The following PCDH15 variants were observed in gnomAD, a reference collection of about 807,000 sequenced individuals.
PCDH15 encodes protocadherin related 15.
A neutral mutation model predicts 178.5 loss-of-function variants in PCDH15; 129 were observed. The observed-to-expected ratio is 0.72, with a 90% confidence interval of 0.63 to 0.84. The LOEUF is 0.84. Among genes scored for constraint, PCDH15 ranks in the 40% least tolerant of loss-of-function variants. The pLI is 0.00. For missense variants in PCDH15, 2,230 were observed against 2,099.9 expected (o/e 1.06, Z -1.21); for synonymous variants, 800 against 732.0 (o/e 1.09, Z -1.50).
At chr10:54,982,038 A>T (rs1239731806) in intron 2 of PCDH15, among the ~76,000 whole-genome samples, 1 of 151,874 alleles carries the variant, frequency 6.6e-6, no homozygotes, top group Non-Finnish European at 1.5e-5. Flanking sequence ...CCAAACTGCT[A>T]GGATTACAGG....
chr10:55,254,465 A>C (rs10763189), intron 1 of PCDH15, among the ~76,000 whole-genome samples: 1 of 151,930 alleles, frequency 6.6e-6, no homozygotes, highest in African/African-American at 2.4e-5. Flanking sequence ...TAAGAGCAAG[A>C]TATCTTTTCC....
intron 8 of PCDH15, among the ~76,000 whole-genome samples, chr10:54,274,746 CAGAT>C (rs1167293355): frequency 1.3e-5 from 2 of 151,424 alleles, no homozygotes; most frequent in Admixed American, 1.3e-4. Context: ...ATCATATTGA[CAGAT>C]AAAGGATTCT....
intron 2 of PCDH15, among the ~76,000 whole-genome samples, chr10:54,651,878 C>A (rs1188598251): frequency 6.6e-6 from 1 of 151,788 alleles, no homozygotes; most frequent in Admixed American, 6.6e-5. Flanking sequence ...CAAAATATAA[C>A]TGTTTCCTAC....
intron 2 of PCDH15, among the ~76,000 whole-genome samples, chr10:55,044,801 T>C (rs2131981066): frequency 6.6e-6 from 1 of 152,180 alleles, no homozygotes; most frequent in East Asian, 1.9e-4. Flanking sequence ...AGGCTTGCCA[T>C]GTGTTAGGTG....
chr10:55,450,241 C>A (rs9299561), intron 2 of PCDH15, among the ~76,000 whole-genome samples: 116,392 of 152,040 alleles, frequency 0.77, 45,906 homozygotes, highest in East Asian at 0.99. Context: ...GCAATCATAA[C>A]ATATAATTAT....
At chr10:55,052,231 G>C (rs1259880993) in intron 2 of PCDH15, among the ~76,000 whole-genome samples, 1 of 151,718 alleles carries the variant, frequency 6.6e-6, no homozygotes. Context: ...GGGACTACAG[G>C]CACCTACCAC....
chr10:55,069,686 A>T (rs1841675279), intron 2 of PCDH15, among the ~76,000 whole-genome samples: 1 of 144,708 alleles, frequency 6.9e-6, no homozygotes, highest in East Asian at 2.0e-4. Context: ...ATTGTTGGAC[A>T]TTTGGCTTGG....
chr10:55,463,139 G>A (rs1399147276), intron 2 of PCDH15, among the ~76,000 whole-genome samples: 1 of 150,358 alleles, frequency 6.7e-6, no homozygotes, highest in Non-Finnish European at 1.5e-5. Context: ...CAAACAAAAA[G>A]CTGAAACCTG....
At chr10:55,318,672 TA>T (rs754683390) in intron 1 of PCDH15, among the ~76,000 whole-genome samples, 4 of 152,070 alleles carry the variant, frequency 2.6e-5, no homozygotes, top group Non-Finnish European at 4.4e-5. Flanking sequence ...AATCAAAATG[TA>T]AAAAATAATA....
At chr10:53,992,316 ACACT>A (rs1301641037) in intron 21 of PCDH15, among the ~76,000 whole-genome samples, 1 of 152,202 alleles carries the variant, frequency 6.6e-6, no homozygotes, top group East Asian at 1.9e-4. Context: ...AAGAACTGTA[ACACT>A]CAGTGCGACA....
rs190842714 is a variant in PCDH15 at position 55,241,732 on chromosome 10, A to G, written c.-155-75081T>C. 5.3e-5 allele frequency among the ~76,000 whole-genome samples: 8 copies of G among 152,130 alleles called. No homozygotes were observed. In the East Asian group the frequency reaches 1.6e-3, roughly 30 times the overall value. On this transcript the variant is annotated intron_variant, in intron 1 of 5. Coordinates refer to the PCDH15 transcript ENST00000458638. ...GCCACCACGCCCAGCCACTTTGTTT[A>G]ATTTCTGGACCTTCTCATAATCTTA...
chr10:53,807,339 A>G (rs541251157), intron 37 of PCDH15, among the ~76,000 whole-genome samples: 3 of 152,250 alleles, frequency 2.0e-5, no homozygotes, highest in African/African-American at 7.2e-5. Flanking sequence ...TAATGTTTGA[A>G]AAATGTATTG....
chr10:54,119,776 AATT>A (rs1943535961), intron 15 of PCDH15, among the ~76,000 whole-genome samples: 1 of 151,988 alleles, frequency 6.6e-6, no homozygotes, highest in African/African-American at 2.4e-5. Flanking sequence ...TGTTTTTTTA[AATT>A]ATTATTATTA....
chr10:55,405,442 T>C (rs1222191864), intron 2 of PCDH15, among the ~76,000 whole-genome samples: 1 of 151,390 alleles, frequency 6.6e-6, no homozygotes, highest in Non-Finnish European at 1.5e-5. Flanking sequence ...CTTTTCAGCC[T>C]TTGCCTTTTC....
intron 2 of PCDH15, among the ~76,000 whole-genome samples, chr10:54,998,281 C>G (rs1357428708): frequency 6.6e-6 from 1 of 151,786 alleles, no homozygotes; most frequent in East Asian, 1.9e-4. Flanking sequence ...AATTTTTTTT[C>G]CTGTTTCTCT....
intron 2 of PCDH15, among the ~76,000 whole-genome samples, chr10:55,128,964 G>T (rs928180486): frequency 6.7e-6 from 1 of 148,962 alleles, no homozygotes; most frequent in African/African-American, 2.6e-5. Context: ...ATCCACATCA[G>T]TAGCCATGAT....
intron 3 of PCDH15, among the ~76,000 whole-genome samples, chr10:54,459,212 G>C (rs1197043200): frequency 2.0e-5 from 3 of 152,086 alleles, no homozygotes; most frequent in Non-Finnish European, 4.4e-5. Context: ...TGTACCCTGA[G>C]TTGCCCAGAA....
At chr10:54,069,147 G>A (rs142661593) in intron 17 of PCDH15, among the ~76,000 whole-genome samples, 2 of 152,224 alleles carry the variant, frequency 1.3e-5, no homozygotes, top group East Asian at 3.9e-4. Context: ...TTTGCCTGAG[G>A]GTTAACAAGA....
chr10:55,171,877 C>A (rs1366680728), intron 1 of PCDH15, among the ~76,000 whole-genome samples: 1 of 151,000 alleles, frequency 6.6e-6, no homozygotes, highest in Non-Finnish European at 1.5e-5. Context: ...GTACGCCAAA[C>A]AATGTTCACA....
Sources: gnomAD v4.1 joint callset for allele counts (sites outside exome capture counted in the v4.1 genomes callset) on GRCh38, gnomAD v4.1.1 for gene constraint, MANE v1.5 for transcripts, NCBI Gene and HGNC (gene_info 2026-07-23, HGNC 2026-07-21) for gene names.